TPO: variants seen among roughly 807,000 people sequenced by gnomAD.
TPO encodes the protein thyroid microsomal antigen.
A neutral mutation model predicts 96.9 loss-of-function variants in TPO; 78 were observed. That is an observed-to-expected ratio of 0.81 (90% CI 0.67 to 0.97). The LOEUF (loss-of-function observed/expected upper bound fraction) is 0.97, where lower values mean the gene tolerates loss of function less well. Among genes scored for constraint, TPO ranks in the 50% least tolerant of loss-of-function variants. TPO has a pLI of 0.00. For missense variants in TPO, 1,252 were observed against 1,274.8 expected (o/e 0.98, Z 0.27); for synonymous variants, 547 against 538.0 (o/e 1.02, Z -0.23).
intron 15 of TPO, among the ~76,000 whole-genome samples, chr2:1,530,187 A>C (rs1162540608): frequency 1.8e-5 from 1 of 55,256 alleles, no homozygotes; most frequent in Non-Finnish European, 3.1e-5. Flanking sequence ...ACTGTGTCCA[A>C]CCTCCCCAAA....
rs1376843181 is a variant in TPO, at chr2:1,477,250, C to T, written c.984C>T (p.Thr328=). The change falls in exon 8 of 17, where the codon ACC becomes ACT. Residue 328 remains threonine, a synonymous_variant. Transcript: ENST00000329066. ...TGACCTCGTTCCTGGACGCGTCCAC[C>T]GTGTATGGCAGCTCCCCGGCCCTAG... ...NGLTSFLDAS[T]VYGSSPALER... 6.2e-6 allele frequency: 10 copies of T among 1,607,532 alleles called. No homozygotes were observed. The highest frequency in any genetic ancestry group is 7.6e-6 in the Non-Finnish European group (9 of 1,178,110).
intron 1 of TPO, chr2:1,374,518 T>G (rs1573048038): frequency 6.6e-6 from 1 of 152,342 alleles, no homozygotes; most frequent in East Asian, 1.9e-4. Context: ...TGTTACAAAC[T>G]TAATAAGTCA....
chr2:1,496,488 C>T (rs920867122), intron 12 of TPO, 107 bp from the exon 13 acceptor site: 12 of 1,520,196 alleles, frequency 7.9e-6, no homozygotes, highest in Non-Finnish European at 1.1e-5. Flanking sequence ...CTCCCCGGCC[C>T]TGGCACCAGC....
At chr2:1,509,100 C>G (rs911035427) in intron 14 of TPO, among the ~76,000 whole-genome samples, 10 of 152,076 alleles carry the variant, frequency 6.6e-5, no homozygotes, top group South Asian at 2.1e-4. Context: ...TGTTCTCGTT[C>G]GTTTCAAAGA....
rs187741703 is a variant in TPO, at chr2:1,426,624, G to C, written c.179+3495G>C. 4.7e-4 allele frequency among the ~76,000 whole-genome samples: 71 copies of C among 152,280 alleles called. 1 individual carries two copies. The South Asian group carries it at 8.9e-3, about 19-fold the overall frequency. On this transcript the variant is annotated intron_variant, in intron 3 of 16. Transcript: ENST00000329066. ...GTAAAGTCATTGTTTTAGATGCCAG[G>C]ATACAGAAATGCATTAGATTATTTC...
At chr2:1,414,332 G>A in intron 1 of TPO, 76 bp from the exon 2 acceptor site, 2 of 1,400,818 alleles carry the variant, frequency 1.4e-6, no homozygotes, top group Non-Finnish European at 2.0e-6. Context: ...CCCTCAGCAG[G>A]GAGACAAGGA....
intron 15 of TPO, among the ~76,000 whole-genome samples, chr2:1,537,243 GAAC>G (rs1679954109): frequency 7.0e-5 from 1 of 14,344 alleles, no homozygotes; most frequent in African/African-American, 4.1e-4. Flanking sequence ...CAACTGTTTC[GAAC>G]CACCTCAAAT....
chr2:1,489,175 C>T (rs901227032), intron 10 of TPO, among the ~76,000 whole-genome samples: 1 of 150,992 alleles, frequency 6.6e-6, no homozygotes, highest in Non-Finnish European at 1.5e-5. Flanking sequence ...CACACCTGCA[C>T]ACGCCTGCAC....
chr2:1,468,452 C>T (rs1669101579), intron 7 of TPO, among the ~76,000 whole-genome samples: 2 of 152,084 alleles, frequency 1.3e-5, no homozygotes, highest in Admixed American at 6.6e-5. Context: ...TGTTATCTTT[C>T]CTTCATTTAT....
At chr2:1,506,373 A>G (rs1673462915) in intron 14 of TPO, among the ~76,000 whole-genome samples, 1 of 152,020 alleles carries the variant, frequency 6.6e-6, no homozygotes, top group Non-Finnish European at 1.5e-5. Flanking sequence ...TAGCAGCATG[A>G]TTTATAGTCC....
Position 1,504,081 on chromosome 2 carries a change from T to C in TPO, c.2518+2T>C. On this transcript the variant is annotated splice_donor_variant, in intron 14 of 16. Transcript: ENST00000329066. LOFTEE classifies it high-confidence loss of function. ...GAGACGATGGGAGAACCTGCGTAGGTGAGGCTGTTCCCCTCTCTCTCTGTC... is the reference window on the plus strand; with the variant it reads ...GAGACGATGGGAGAACCTGCGTAGGCGAGGCTGTTCCCCTCTCTCTCTGTC... The C allele has an allele frequency of 6.2e-7, 1 of 1,614,050 alleles. No individual in the cohort carries two copies. Among genetic ancestry groups the C allele is most frequent in the Non-Finnish European group, 8.5e-7 (1 of 1,180,028 alleles).
intron 1 of TPO, among the ~76,000 whole-genome samples, chr2:1,395,919 T>C (rs758380496): frequency 2.8e-4 from 42 of 152,238 alleles, no homozygotes; most frequent in African/African-American, 3.6e-4. Flanking sequence ...TCCCCAGCCA[T>C]GTGGAACTGT....
chr2:1,478,290 G>T, intron 8 of TPO: 1 of 985,440 alleles, frequency 1.0e-6, no homozygotes, highest in Non-Finnish European at 1.2e-6. Flanking sequence ...GGTCTCACAG[G>T]TTGTTAGGAA....
intron 3 of TPO, among the ~76,000 whole-genome samples, chr2:1,427,289 G>A (rs1243953988): frequency 6.6e-6 from 1 of 152,228 alleles, no homozygotes; most frequent in African/African-American, 2.4e-5. Flanking sequence ...CTGTTTGACT[G>A]GAGAGTGCAG....
At chr2:1,406,126 G>T (rs562083131) in intron 1 of TPO, among the ~76,000 whole-genome samples, 6 of 152,192 alleles carry the variant, frequency 3.9e-5, no homozygotes. Context: ...ATTTTCTGGG[G>T]AAGCTCAATG....
chr2:1,517,038 G>C (rs1187084143), intron 15 of TPO, 56 bp downstream of exon 15: 11 of 1,565,806 alleles, frequency 7.0e-6, no homozygotes, highest in Admixed American at 1.8e-5. Context: ...CCTTTCCTCT[G>C]GACATGGCTG....
chr2:1,487,388 G>A lies in TPO; in HGVS notation c.1598-433G>A, dbSNP rs148844102. On this transcript the variant is annotated intron_variant, in intron 9 of 16. Coordinates refer to ENST00000329066, the MANE Select transcript of TPO (RefSeq NM_001206744.2). ...GTCCTGAGGACATTCAGGAAACTCT[G>A]GAATCACACAAGCTGAATTCATGAA... 5.6e-3 allele frequency among the ~76,000 whole-genome samples: 853 copies of A among 152,250 alleles called. 7 individuals are homozygous for A. The highest frequency in any genetic ancestry group is 0.019 in the African/African-American group (796 of 41,550).
chr2:1,519,501 A>G (rs1238917689), intron 15 of TPO, among the ~76,000 whole-genome samples: 3 of 152,238 alleles, frequency 2.0e-5, no homozygotes, highest in African/African-American at 7.2e-5. Flanking sequence ...CTGTTTTGGA[A>G]AGAGAGTACT....
chr2:1,508,467 C>T (rs1673718194), intron 14 of TPO, among the ~76,000 whole-genome samples: 1 of 152,186 alleles, frequency 6.6e-6, no homozygotes, highest in Non-Finnish European at 1.5e-5. Flanking sequence ...ATGGTACCAG[C>T]TCCTCCTTGT....
Sources: gnomAD v4.1 joint callset for allele counts (sites outside exome capture counted in the v4.1 genomes callset) on GRCh38, gnomAD v4.1.1 for gene constraint, MANE v1.5 for transcripts, NCBI Gene and HGNC (gene_info 2026-07-23, HGNC 2026-07-21) for gene names.